Variants in EPB41L1 observed in about 807,000 individuals in gnomAD.
EPB41L1 encodes band 4.1-like protein 1.
A neutral mutation model predicts 97.8 loss-of-function variants in EPB41L1; 29 were observed. The observed-to-expected ratio is 0.30, with a 90% CI of 0.22 to 0.40. The LOEUF (loss-of-function observed/expected upper bound fraction) is 0.40, where lower values mean the gene tolerates loss of function less well. EPB41L1 is among the 10% of genes least tolerant of loss of function. The probability of loss-of-function intolerance (pLI) is 1.00; values close to 1 mark genes in which losing one functional copy is unlikely to be tolerated. For synonymous variants in EPB41L1, 383 were observed against 459.2 expected (o/e 0.83, Z 2.12); for missense variants, 812 against 1,162.3 (o/e 0.70, Z 4.38).
At chr20:36,182,418 G>A in intron 6 of EPB41L1, 71 bp downstream of exon 6, 1 of 1,538,330 alleles carries the variant, frequency 6.5e-7, no homozygotes, top group East Asian at 2.2e-5. Flanking sequence ...CTGGCCCTGG[G>A]GACACAGGCA....
intron 11 of EPB41L1, among the ~76,000 whole-genome samples, chr20:36,192,956 G>GT (rs2062028380): frequency 6.6e-6 from 1 of 152,338 alleles, no homozygotes; most frequent in African/African-American, 2.4e-5. Context: ...AATGAGACCT[G>GT]TCTCAGGACT....
At position 36,222,369 on chromosome 20, in the gene EPB41L1, C is replaced by T. The variant is rs1308144579; in HGVS notation, c.2612C>T (p.Pro871Leu). 6.2e-7 allele frequency: 1 copy of T among 1,614,038 alleles called. No homozygotes were observed. Among genetic ancestry groups the T allele is most frequent in the South Asian group, 1.1e-5 (1 of 91,072 alleles). ...AVVYRETDPS[P>L]EERDKKPQES ...GTATACAGAGAAACAGACCCATCCC[C>T]AGAGGAGAGGGACAAGAAGCCACAG... The change falls in exon 21 of 22, where the codon CCA (proline) becomes CTA (leucine). Residue 871 changes from proline to leucine, a missense_variant. By Grantham distance (98) the Pro-to-Leu change is moderately conservative. This residue lies in a region of EPB41L1 where 498 missense variants were observed against 622.7 expected (regional missense o/e 0.80). Coordinates refer to ENST00000338074, the MANE Select transcript of EPB41L1 (RefSeq NM_012156.2).
rs1170858082 is a variant in EPB41L1, at chr20:36,188,641, C to CACAG, written c.1026+143_1026+144insCAGA. On this transcript the variant is annotated intron_variant, in intron 9 of 21. Coordinates refer to ENST00000338074, the MANE Select transcript of EPB41L1 (RefSeq NM_012156.2). ...ACACACACACACACACACACACACA[C>CACAG]AGAGAGAGAGAGAGAGAGAGAGAGA... The CACAG allele has an allele frequency of 5.9e-4, 160 of 272,072 alleles. 1 individual carries two copies. The highest frequency in any genetic ancestry group is 3.3e-3 in the East Asian group (26 of 7,966). The allele number at this position is 272,072 out of a possible 1,614,324, so 16.9% of individuals were successfully genotyped here.
Position 36,229,634 on chromosome 20 carries a change from G to C in EPB41L1, c.*294G>C. On this transcript the variant is annotated 3_prime_UTR_variant, in exon 22 of 22. Coordinates refer to ENST00000338074, the MANE Select transcript of EPB41L1 (RefSeq NM_012156.2). ...CCTTTGCAGACAAATTGAAGAACTG[G>C]TGGGATTTTTTTCAAGAAAAAAAAT... 3.4e-6 allele frequency: 1 copy of C among 292,776 alleles called. No individual in the cohort carries two copies. The highest frequency in any genetic ancestry group is 6.3e-6 in the Non-Finnish European group (1 of 158,516). The allele number at this position is 292,776 out of a possible 1,614,324, so 18.1% of individuals were successfully genotyped here. A position where few individuals can be genotyped will look rare whatever the true frequency, so the allele number is the denominator to read the frequency against.
At position 36,195,874 on chromosome 20, in the gene EPB41L1, G is replaced by C. The variant is rs1016266760; in HGVS notation, c.1485+510G>C. Among the ~76,000 whole-genome samples the C allele has an allele frequency of 7.2e-5, 11 of 152,242 alleles. No homozygotes were observed. The highest frequency in any genetic ancestry group is 1.3e-4 in the Non-Finnish European group (9 of 68,010). On this transcript the variant is annotated intron_variant, in intron 13 of 21. Transcript: ENST00000338074. The surrounding 1 kb of genome is among the most constrained non-coding windows in gnomAD (Gnocchi z 4.6). ...ATGTGGGAGTGGGGATTGGGGGTGG[G>C]GGAGGGAGGTGCCTCAGAGCACACC...
At chr20:36,118,279 A>C (rs1400390791) in intron 2 of EPB41L1, among the ~76,000 whole-genome samples, 1 of 151,770 alleles carries the variant, frequency 6.6e-6, no homozygotes, top group Non-Finnish European at 1.5e-5. Flanking sequence ...TTGAACTGGG[A>C]CCTGGGAGGT....
chr20:36,197,073 A>G (rs2062241180), intron 13 of EPB41L1, among the ~76,000 whole-genome samples: 1 of 152,070 alleles, frequency 6.6e-6, no homozygotes, highest in Non-Finnish European at 1.5e-5. Flanking sequence ...TAGTTTCTCT[A>G]TCTGGCTGTA....
chr20:36,176,934 G>T (rs769804201), intron 3 of EPB41L1, among the ~76,000 whole-genome samples: 3 of 152,110 alleles, frequency 2.0e-5, no homozygotes, highest in Non-Finnish European at 2.9e-5. Context: ...ACCCGACTGT[G>T]TATGTATTTT....
intron 21 of EPB41L1, among the ~76,000 whole-genome samples, chr20:36,228,434 C>A (rs1302942743): frequency 6.6e-6 from 1 of 152,154 alleles, no homozygotes; most frequent in African/African-American, 2.4e-5. Context: ...GGCACTGTGG[C>A]GTGCACCTGT....
intron 1 of EPB41L1, among the ~76,000 whole-genome samples, chr20:36,106,848 C>T (rs1211664752): frequency 1.3e-5 from 2 of 152,158 alleles, no homozygotes; most frequent in African/African-American, 2.4e-5. Context: ...TGAACTCTGT[C>T]GCCCAGGCTG....
intron 1 of EPB41L1, among the ~76,000 whole-genome samples, chr20:36,103,620 G>A (rs1242271794): frequency 6.6e-6 from 1 of 151,904 alleles, no homozygotes; most frequent in African/African-American, 2.4e-5. Flanking sequence ...GCTGATAAAA[G>A]CATTGTAAAG....
rs1569222479 is a variant in EPB41L1 at position 36,179,145 on chromosome 20, G to T, written c.490+473G>T. On this transcript the variant is annotated intron_variant, in intron 5 of 21. Coordinates refer to ENST00000338074, the MANE Select transcript of EPB41L1 (RefSeq NM_012156.2). Reference sequence around the variant, plus strand: ...ATGAGTCCGTGTACTCCACATGGCAGATCTTGGGAGAAGCCAGAGTGGGAA... The same window carrying T: ...ATGAGTCCGTGTACTCCACATGGCATATCTTGGGAGAAGCCAGAGTGGGAA... 4.6e-5 allele frequency among the ~76,000 whole-genome samples: 7 copies of T among 152,068 alleles called. No homozygotes were observed. The South Asian group carries it at 1.0e-3, about 23-fold the overall frequency.
At chr20:36,136,744 CCTGA>C (rs745710253) in intron 2 of EPB41L1, among the ~76,000 whole-genome samples, 10 of 138,536 alleles carry the variant, frequency 7.2e-5, no homozygotes, top group African/African-American at 1.3e-4. Flanking sequence ...TACCGTGGTA[CCTGA>C]CTAATTTTTT....
chr20:36,121,823 G>A (rs538734395), intron 2 of EPB41L1: 17 of 152,472 alleles, frequency 1.1e-4, no homozygotes, highest in African/African-American at 4.1e-4. Flanking sequence ...ACTGGTGGGT[G>A]TAACCTCTTA....
intron 21 of EPB41L1, among the ~76,000 whole-genome samples, chr20:36,227,725 CT>C (rs1315542980): frequency 1.3e-5 from 2 of 152,240 alleles, no homozygotes; most frequent in Non-Finnish European, 1.5e-5. Context: ...ACATCTGTCC[CT>C]GCTTCAGTTA....
At chr20:36,144,061 C>T (rs1355029156) in intron 2 of EPB41L1, among the ~76,000 whole-genome samples, 1 of 152,112 alleles carries the variant, frequency 6.6e-6, no homozygotes, top group African/African-American at 2.4e-5. Flanking sequence ...CCATGTTGGC[C>T]AGGCTAGTCT....
chr20:36,169,270 A>G (rs2060875947), intron 1 of EPB41L1, among the ~76,000 whole-genome samples: 1 of 151,196 alleles, frequency 6.6e-6, no homozygotes, highest in Non-Finnish European at 1.5e-5. Flanking sequence ...AAGTGAAGTC[A>G]CTTGTCCAAG....
intron 14 of EPB41L1, among the ~76,000 whole-genome samples, chr20:36,204,909 G>A (rs1026620902): frequency 4.6e-5 from 7 of 152,122 alleles, no homozygotes; most frequent in African/African-American, 1.7e-4. Flanking sequence ...CCAAAGTGCT[G>A]GGATTACAGG....
intron 2 of EPB41L1, among the ~76,000 whole-genome samples, chr20:36,121,978 C>T (rs1343005627): frequency 6.6e-6 from 1 of 152,226 alleles, no homozygotes; most frequent in Non-Finnish European, 1.5e-5. Context: ...CAGCTTTCCC[C>T]AAGACTTTGC....
Sources: gnomAD v4.1 joint callset for allele counts (sites outside exome capture counted in the v4.1 genomes callset) on GRCh38, gnomAD v4.1.1 for gene constraint, gnomAD v4.1.1 regional missense constraint, Gnocchi (gnomAD v3.1) non-coding constraint, MANE v1.5 for transcripts, NCBI Gene and HGNC (gene_info 2026-07-23, HGNC 2026-07-21) for gene names.